The following NBEAL1 variants were observed in gnomAD, a reference collection of about 807,000 sequenced individuals.
NBEAL1 encodes neurobeachin-like protein 1.
Under a neutral mutation model 351.3 loss-of-function variants are expected in NBEAL1, and 273 were observed. That is an observed-to-expected ratio of 0.78 (90% CI 0.70 to 0.86). The LOEUF is 0.86. NBEAL1 is among the 40% of genes least tolerant of loss of function. The pLI is 0.00. For missense variants in NBEAL1, 2,961 were observed against 3,201.3 expected, an observed-to-expected ratio of 0.92 and a Z score of 1.81; for synonymous variants, 1,050 against 1,086.4, an observed-to-expected ratio of 0.97 and a Z score of 0.66.
chr2:203,108,442 A>G (rs2062486875), intron 14 of NBEAL1, among the ~76,000 whole-genome samples: 2 of 151,480 alleles, frequency 1.3e-5, no homozygotes, highest in South Asian at 4.2e-4. Context: ...TCTGTCACCC[A>G]GGCTAGAGTG....
At chr2:203,183,887 G>C (rs1006123597) in intron 44 of NBEAL1, among the ~76,000 whole-genome samples, 1 of 151,692 alleles carries the variant, frequency 6.6e-6, no homozygotes, top group African/African-American at 2.4e-5. Flanking sequence ...AGATCAACCT[G>C]GCCAACATGG....
At chr2:203,112,881 A>G in intron 16 of NBEAL1, 134 bp from the exon 17 acceptor site, 1 of 949,054 alleles carries the variant, frequency 1.1e-6, no homozygotes. Flanking sequence ...ATTTGGTAAA[A>G]ATAAAACTGC....
chr2:203,164,642 T>TA (rs1389499740), intron 36 of NBEAL1, among the ~76,000 whole-genome samples: 1 of 152,068 alleles, frequency 6.6e-6, no homozygotes. Flanking sequence ...AATTATTTTT[T>TA]AAAAAAAGAA....
chr2:203,194,990 G>A (rs1204406274), intron 47 of NBEAL1, among the ~76,000 whole-genome samples: 2 of 152,080 alleles, frequency 1.3e-5, no homozygotes, highest in African/African-American at 2.4e-5. Flanking sequence ...GAGGTCAGGA[G>A]ATTGAGACCA....
At position 203,077,876 on chromosome 2, in the gene NBEAL1, TTAAC is replaced by T. The variant is rs1479665659; in HGVS notation, c.684+40_684+43del. 4.3e-6 allele frequency: 5 copies of T among 1,154,294 alleles called. No individual in the cohort carries two copies. In the Admixed American group the frequency reaches 1.2e-4, roughly 29 times the overall value. 71.5% of individuals were successfully genotyped at this position (1,154,294 alleles called of 1,614,324 possible). The stretch of plus-strand genomic sequence containing the variant: ...TGAAATTTAATAAATAAAATTATAA[TTAAC>T]AGTGCAAAAAGCTTTCCATAGATTT... On this transcript the variant is annotated intron_variant, in intron 8 of 55. Coordinates refer to ENST00000683969, the MANE Select transcript of NBEAL1 (RefSeq NM_001378026.1).
At chr2:203,080,820 A>G (rs960629329) in intron 8 of NBEAL1, among the ~76,000 whole-genome samples, 4 of 152,162 alleles carry the variant, frequency 2.6e-5, no homozygotes, top group African/African-American at 9.7e-5. Context: ...TTGGATCATT[A>G]TTTCCCCATT....
In NBEAL1 at chr2:203,211,094, G is replaced by A. The variant is rs1161639205; in HGVS notation, c.7922G>A (p.Arg2641Lys). ...TGSIQGFLSI[R>K]DLHSLNLSIN... The stretch of plus-strand genomic sequence containing the variant: ...AGCATACAAGGATTCCTGTCTATAA[G>A]AGATCTCCACAGGTAAATAATAAAA... Residue 2641 changes from arginine (R) to lysine (K), a missense_variant, in exon 54 of 56, where the codon AGA becomes AAA. Arg to Lys is a conservative substitution (Grantham distance 26). Coordinates refer to ENST00000683969, the MANE Select transcript of NBEAL1 (RefSeq NM_001378026.1). 6.3e-7 allele frequency: 1 copy of A among 1,590,924 alleles called. No individual in the cohort carries two copies. The highest frequency in any genetic ancestry group is 2.3e-5 in the East Asian group (1 of 44,112).
At chr2:203,162,626 C>A (rs1014286935) in intron 36 of NBEAL1, among the ~76,000 whole-genome samples, 7 of 151,996 alleles carry the variant, frequency 4.6e-5, no homozygotes, top group African/African-American at 1.7e-4. Flanking sequence ...AGCCTTTGGT[C>A]TCAGCTACTT....
At chr2:203,087,710 T>C (rs2061993975) in intron 10 of NBEAL1, among the ~76,000 whole-genome samples, 1 of 152,236 alleles carries the variant, frequency 6.6e-6, no homozygotes, top group South Asian at 2.1e-4. Flanking sequence ...CTACGTAATA[T>C]TTTCTGATGC....
chr2:203,188,941 C>T (rs2064991713), intron 45 of NBEAL1, among the ~76,000 whole-genome samples: 1 of 152,086 alleles, frequency 6.6e-6, no homozygotes, highest in Admixed American at 6.6e-5. Flanking sequence ...CATATGATGG[C>T]ATTATTTAGC....
intron 48 of NBEAL1, among the ~76,000 whole-genome samples, chr2:203,197,664 T>A (rs1047797452): frequency 6.6e-6 from 1 of 152,138 alleles, no homozygotes; most frequent in African/African-American, 2.4e-5. Context: ...TCCCAGCACT[T>A]TGGGAGGCCA....
chr2:203,061,324 A>G (rs2061496367), intron 6 of NBEAL1: 1 of 152,180 alleles, frequency 6.6e-6, no homozygotes, highest in Non-Finnish European at 1.5e-5. Context: ...TCACAATCCC[A>G]CTATGTGTTT....
chr2:203,024,543 C>T (rs1238026439), intron 2 of NBEAL1, among the ~76,000 whole-genome samples: 2 of 141,916 alleles, frequency 1.4e-5, no homozygotes, highest in Non-Finnish European at 3.1e-5. Context: ...TAGAGTGAGA[C>T]TCTGTCTCAA....
chr2:203,154,189 T>C (rs1220943080), intron 35 of NBEAL1, among the ~76,000 whole-genome samples: 2 of 144,678 alleles, frequency 1.4e-5, no homozygotes, highest in African/African-American at 2.9e-5. Context: ...TGAGCCGAGA[T>C]TGTGCCACTG....
intron 55 of NBEAL1, among the ~76,000 whole-genome samples, chr2:203,215,133 G>A (rs181889744): frequency 2.1e-4 from 32 of 152,178 alleles, no homozygotes; most frequent in Admixed American, 1.8e-3. Context: ...CAAGGCGGGC[G>A]GATCATGAGG....
chr2:203,171,894 A>C (rs367966208), intron 39 of NBEAL1, 34 bp from the exon 40 acceptor site: 564 of 1,308,282 alleles, frequency 4.3e-4, no homozygotes, highest in Non-Finnish European at 5.5e-4. Context: ...GTAGATTTTT[A>C]AATTTTGATA....
At chr2:203,064,188 G>A (rs145528658) in intron 6 of NBEAL1, among the ~76,000 whole-genome samples, 73 of 152,096 alleles carry the variant, frequency 4.8e-4, no homozygotes, top group African/African-American at 1.6e-3. Flanking sequence ...CAAGTAGCTG[G>A]GTTTACAGGC....
chr2:203,026,341 A>G (rs1291783248), intron 2 of NBEAL1, among the ~76,000 whole-genome samples: 3 of 152,128 alleles, frequency 2.0e-5, no homozygotes, highest in African/African-American at 7.2e-5. Context: ...CTCTTAGAAT[A>G]TATTATACAA....
intron 35 of NBEAL1, 121 bp downstream of exon 35, chr2:203,151,710 T>G: frequency 1.1e-6 from 1 of 948,168 alleles, no homozygotes; most frequent in Non-Finnish European, 1.4e-6. Flanking sequence ...CATTTTATAA[T>G]TGATATTTAA....
Sources: allele counts gnomAD v4.1 joint callset (sites outside exome capture counted in the v4.1 genomes callset), GRCh38; gene constraint gnomAD v4.1.1; transcripts MANE v1.5; gene names NCBI Gene and HGNC (gene_info 2026-07-23, HGNC 2026-07-21).